CNKSR3: variants seen among roughly 807,000 people sequenced by gnomAD.
CNKSR3 encodes CNKSR family member 3, also known as connector enhancer of kinase suppressor of ras 3.
A neutral mutation model predicts 67.7 loss-of-function variants in CNKSR3; 36 were observed. The ratio of observed to expected loss-of-function variants is 0.53; its 90% confidence interval spans 0.41 to 0.70. The LOEUF is 0.70. Ranked by LOEUF, CNKSR3 falls within the 30% of genes least tolerant of loss-of-function variation. The probability of loss-of-function intolerance (pLI) is 0.00; values close to 1 mark genes in which losing one functional copy is unlikely to be tolerated. For synonymous variants in CNKSR3, 281 were observed against 271.4 expected, an observed-to-expected ratio of 1.04 and a Z score of -0.35; for missense variants, 630 against 695.2, an observed-to-expected ratio of 0.91 and a Z score of 1.05.
chr6:154,403,674 G>C lies in CNKSR3; in HGVS notation c.*2680C>G, dbSNP rs1243816098. The C allele has an allele frequency of 6.6e-6, 1 of 151,802 alleles. No homozygotes were observed. The highest frequency in any genetic ancestry group is 1.5e-5 in the Non-Finnish European group (1 of 67,978). 9.4% of individuals were successfully genotyped at this position (151,802 alleles called of 1,614,324 possible). ...GAAAACCTCAAATAAAAAGAAAGAT[G>C]AAGCTGTGGAGGGTGACTGCAAGTA... On this transcript the variant is annotated 3_prime_UTR_variant, in exon 13 of 13. Coordinates refer to ENST00000607772, the MANE Select transcript of CNKSR3 (RefSeq NM_173515.4).
At chr6:154,456,808 C>G (rs1785969749) in intron 1 of CNKSR3, among the ~76,000 whole-genome samples, 2 of 150,126 alleles carry the variant, frequency 1.3e-5, no homozygotes, top group Admixed American at 1.3e-4. Context: ...AGAATCATCA[C>G]AGACTCACAC....
Position 154,430,504 on chromosome 6 carries a change from G to T in CNKSR3, c.637C>A (p.His213Asn), listed in dbSNP as rs1785342682. The T allele has an allele frequency of 6.2e-7, 1 of 1,612,128 alleles. No individual in the cohort carries two copies. Among genetic ancestry groups the T allele is most frequent in the Non-Finnish European group, 8.5e-7 (1 of 1,179,292 alleles). The change falls in exon 6 of 13, where the codon CAC (histidine) becomes AAC (asparagine). Residue 213 changes from histidine (H) to asparagine (N), a missense_variant. By Grantham distance (68) the His-to-Asn change is moderately conservative. This residue lies in a region of CNKSR3 where 133 missense variants were observed against 190.6 expected (regional missense o/e 0.70). Coordinates refer to ENST00000607772, the MANE Select transcript of CNKSR3 (RefSeq NM_173515.4). ...TCCCCAGGTTTAATGTTTGGTAAGT[G>T]AACTTCCTCCAGACATGCACACTGG... Reference protein sequence around the residue: ...MSQCACLEEVHLPNIKPGEGL... With the variant: ...MSQCACLEEVNLPNIKPGEGL...
chr6:154,498,698 T>G (rs1786925265), intron 1 of CNKSR3, among the ~76,000 whole-genome samples: 1 of 152,232 alleles, frequency 6.6e-6, no homozygotes, highest in Non-Finnish European at 1.5e-5. Context: ...GTCTTTTTTA[T>G]TCTGGACTCT....
In CNKSR3 at chr6:154,400,517, G is replaced by C. The variant is rs902356990; in HGVS notation, c.*5837C>G. ...GCCCAAAGGTTCTGAAAAACTGTGTGTGACAGTCTCCTGGCTGTGTAGCAT... is the reference window on the plus strand; with the variant it reads ...GCCCAAAGGTTCTGAAAAACTGTGTCTGACAGTCTCCTGGCTGTGTAGCAT... On this transcript the variant is annotated 3_prime_UTR_variant, in exon 13 of 13. Transcript: ENST00000607772. The C allele has an allele frequency of 3.9e-5, 6 of 152,230 alleles. No individual in the cohort carries two copies. In the South Asian group the frequency reaches 1.2e-3, roughly 31 times the overall value. The allele number at this position is 152,230 out of a possible 1,614,324, so 9.4% of individuals were successfully genotyped here. A position where few individuals can be genotyped will look rare whatever the true frequency, so the allele number is the denominator to read the frequency against.
At chr6:154,507,504 C>A (rs944055525) in intron 1 of CNKSR3, among the ~76,000 whole-genome samples, 1 of 152,198 alleles carries the variant, frequency 6.6e-6, no homozygotes, top group Non-Finnish European at 1.5e-5. Context: ...TATAAGCAGA[C>A]GAGCTTTTGT....
At chr6:154,469,151 T>G (rs950319988) in intron 1 of CNKSR3, among the ~76,000 whole-genome samples, 2 of 152,242 alleles carry the variant, frequency 1.3e-5, no homozygotes, top group African/African-American at 2.4e-5. Context: ...AAGAAAAAAT[T>G]CATTAGCATA....
chr6:154,460,564 T>C lies in CNKSR3; in HGVS notation c.53-10306A>G, dbSNP rs148361872. Among the ~76,000 whole-genome samples, 687 of 152,252 alleles carry C rather than the reference T, an allele frequency of 4.5e-3. 4 individuals are homozygous for C. The highest frequency in any genetic ancestry group is 8.1e-3 in the Non-Finnish European group (550 of 68,022). Reference sequence around the variant, plus strand: ...TTGTTGTAATTCAGTAACCACACCATTGTATCCAATTTTGTAACAGACCTT... The same window carrying C: ...TTGTTGTAATTCAGTAACCACACCACTGTATCCAATTTTGTAACAGACCTT... On this transcript the variant is annotated intron_variant, in intron 1 of 12. Coordinates refer to ENST00000607772, the MANE Select transcript of CNKSR3 (RefSeq NM_173515.4).
At chr6:154,474,337 C>T (rs564426564) in intron 1 of CNKSR3, among the ~76,000 whole-genome samples, 6 of 150,610 alleles carry the variant, frequency 4.0e-5, no homozygotes, top group East Asian at 2.0e-4. Flanking sequence ...CGCTTGAACC[C>T]GGGAGGCGGA....
chr6:154,466,387 G>A (rs1474073692), intron 1 of CNKSR3, among the ~76,000 whole-genome samples: 1 of 152,140 alleles, frequency 6.6e-6, no homozygotes. Flanking sequence ...CAAAGGAAGC[G>A]CCTGCCCCAC....
At chr6:154,413,429 C>A (rs1784949851) in intron 10 of CNKSR3, among the ~76,000 whole-genome samples, 1 of 152,098 alleles carries the variant, frequency 6.6e-6, no homozygotes. Context: ...TGGGGCCTCA[C>A]TATATTCCCC....
intron 1 of CNKSR3, among the ~76,000 whole-genome samples, chr6:154,504,724 G>A (rs2114663229): frequency 6.7e-6 from 1 of 149,096 alleles, no homozygotes; most frequent in Admixed American, 6.6e-5. Flanking sequence ...AAATCAAAGA[G>A]GCTGGACAGG....
At chr6:154,441,631 G>A (rs548800693) in intron 3 of CNKSR3, among the ~76,000 whole-genome samples, 6 of 152,168 alleles carry the variant, frequency 3.9e-5, no homozygotes, top group African/African-American at 7.2e-5. Flanking sequence ...TTACAGGCAT[G>A]TGCCACCAAG....
At chr6:154,492,079 G>A (rs936552214) in intron 1 of CNKSR3, among the ~76,000 whole-genome samples, 6 of 152,114 alleles carry the variant, frequency 3.9e-5, no homozygotes, top group Non-Finnish European at 7.4e-5. Context: ...CCTGCACACA[G>A]CTAACTAGAT....
intron 1 of CNKSR3, among the ~76,000 whole-genome samples, chr6:154,456,399 G>A (rs1785954610): frequency 6.6e-6 from 1 of 151,610 alleles, no homozygotes; most frequent in African/African-American, 2.4e-5. Context: ...AGACTTTTAA[G>A]AATCACAAGT....
intron 6 of CNKSR3, among the ~76,000 whole-genome samples, chr6:154,429,325 C>G (rs890630002): frequency 6.6e-6 from 1 of 152,100 alleles, no homozygotes; most frequent in African/African-American, 2.4e-5. Context: ...CAAACACCAG[C>G]GCCTTCAGGT....
At chr6:154,451,444 G>C (rs2128719339) in intron 1 of CNKSR3, among the ~76,000 whole-genome samples, 1 of 152,008 alleles carries the variant, frequency 6.6e-6, no homozygotes, top group East Asian at 1.9e-4. Context: ...TATGTAGAAA[G>C]CATGCTGCTG....
chr6:154,431,584 C>T (rs564467985), intron 5 of CNKSR3, among the ~76,000 whole-genome samples: 14 of 152,114 alleles, frequency 9.2e-5, no homozygotes, highest in East Asian at 3.9e-4. Context: ...CCTAATGTCA[C>T]GTATCCTTCA....
At chr6:154,425,360 C>A (rs1785234917) in intron 7 of CNKSR3, among the ~76,000 whole-genome samples, 1 of 152,206 alleles carries the variant, frequency 6.6e-6, no homozygotes, top group Non-Finnish European at 1.5e-5. Context: ...GCCTTCATTT[C>A]TCAAATGTCC....
chr6:154,453,521 C>A (rs377104971), intron 1 of CNKSR3, among the ~76,000 whole-genome samples: 1 of 152,122 alleles, frequency 6.6e-6, no homozygotes, highest in African/African-American at 2.4e-5. Context: ...AATTATCAAG[C>A]AGAAAAATCA....
Sources: gnomAD v4.1 joint callset for allele counts (sites outside exome capture counted in the v4.1 genomes callset) on GRCh38, gnomAD v4.1.1 for gene constraint, gnomAD v4.1.1 regional missense constraint, MANE v1.5 for transcripts, NCBI Gene and HGNC (gene_info 2026-07-23, HGNC 2026-07-21) for gene names.